Variants in ERAP1 observed in about 807,000 individuals in gnomAD.
ERAP1 encodes endoplasmic reticulum aminopeptidase 1.
ERAP1 carries 86 observed loss-of-function variants against 103.7 expected under a neutral mutation model. The ratio of observed to expected loss-of-function variants is 0.83; its 90% CI spans 0.70 to 0.99. The LOEUF (loss-of-function observed/expected upper bound fraction) is 0.99. ERAP1 is among the 50% of genes least tolerant of loss of function. The pLI, the probability that ERAP1 is intolerant of heterozygous loss-of-function variation, is 0.00. For synonymous variants in ERAP1, 398 were observed against 402.4 expected, an observed-to-expected ratio of 0.99 and a Z score of 0.13; for missense variants, 1,009 against 1,128.4, an observed-to-expected ratio of 0.89 and a Z score of 1.52.
the ERAP1 span, among the ~76,000 whole-genome samples, chr5:96,904,584 C>G: frequency 3.3e-5 from 5 of 152,248 alleles, no homozygotes; most frequent in African/African-American, 1.2e-4. Context: ...AAACACCATC[C>G]TACATATGAG....
chr5:96,880,443 T>C, the ERAP1 span, among the ~76,000 whole-genome samples: 1 of 152,180 alleles, frequency 6.6e-6, no homozygotes, highest in African/African-American at 2.4e-5. Flanking sequence ...AAGACAGGAC[T>C]CAGAGGCATA....
chr5:96,834,851 A>AT, the ERAP1 span, among the ~76,000 whole-genome samples: 2 of 152,160 alleles, frequency 1.3e-5, no homozygotes, highest in Non-Finnish European at 2.9e-5. Flanking sequence ...TTTCTATGTA[A>AT]TTTTTTGTTA....
the ERAP1 span, chr5:96,918,439 T>A: frequency 6.6e-6 from 1 of 152,198 alleles, no homozygotes; most frequent in Non-Finnish European, 1.5e-5. Flanking sequence ...AGAAACTAGG[T>A]GTCAGGGTTT....
chr5:96,922,867 A>G, the ERAP1 span, among the ~76,000 whole-genome samples: 11 of 152,266 alleles, frequency 7.2e-5, no homozygotes, highest in African/African-American at 1.9e-4. Context: ...CGCATAACTT[A>G]TATCTTACAG....
the ERAP1 span, among the ~76,000 whole-genome samples, chr5:96,875,369 T>TA: frequency 9.4e-4 from 138 of 147,270 alleles, 1 homozygote; most frequent in Middle Eastern, 3.5e-3. Context: ...ACCTCATCTA[T>TA]AAAAAAAAAA....
At chr5:96,914,148 TCACA>T in the ERAP1 span, among the ~76,000 whole-genome samples, 1 of 147,980 alleles carries the variant, frequency 6.8e-6, no homozygotes, top group African/African-American at 2.5e-5. Context: ...TCTCTCTCTC[TCACA>T]CACACACACA....
rs1773717298 is a variant in ERAP1, at chr5:96,774,680, A to AAAATCTTGGTTGTGT, written c.*1701_*1715dup. ...CAATTAAAGCAAAATATTTTACATT[A>AAAATCTTGGTTGTGT]AAATCTTGGTTGTGTATTTTTTTAA... On this transcript the variant is annotated 3_prime_UTR_variant, in exon 19 of 19. Transcript: ENST00000443439. 3 of 982,400 alleles carry AAAATCTTGGTTGTGT rather than the reference A, an allele frequency of 3.1e-6. No homozygotes were observed. Among genetic ancestry groups the AAAATCTTGGTTGTGT allele is most frequent in the Non-Finnish European group, 2.4e-6 (2 of 827,186 alleles). The allele number at this position is 982,400 out of a possible 1,614,324, so 60.9% of individuals were successfully genotyped here.
chr5:96,765,142 A>G, intron 19 of ERAP1: 1 of 814,130 alleles, frequency 1.2e-6, no homozygotes, highest in Non-Finnish European at 2.1e-6. Context: ...CCCTCCTGAA[A>G]AGATGGAGTT....
At chr5:96,809,881 T>C (rs935913394), upstream of ERAP1, among the ~76,000 whole-genome samples, 2 of 152,228 alleles carry the variant, frequency 1.3e-5, no homozygotes, top group Non-Finnish European at 2.9e-5. Flanking sequence ...AAAGTTTTTT[T>C]GTTTTTGTTT....
Position 96,767,399 on chromosome 5 carries a change from G to T in ERAP1, c.2819-4171C>A, listed in dbSNP as rs750245306. ...GCCTAAACCTAAGTAAACCTTTACA[G>T]ATATCTATGCTTAACCAATAGTCTG... On this transcript the variant is annotated intron_variant, in intron 19 of 19. Transcript: ENST00000296754. 7 of 1,557,304 alleles carry T rather than the reference G, an allele frequency of 4.5e-6. No homozygotes were observed. The South Asian group carries it at 6.7e-5, about 15-fold the overall frequency.
At chr5:96,904,377 G>A in the ERAP1 span, among the ~76,000 whole-genome samples, 20 of 152,272 alleles carry the variant, frequency 1.3e-4, no homozygotes, top group African/African-American at 4.8e-4. Flanking sequence ...TACTCAATGT[G>A]ACATATAATT....
the ERAP1 span, among the ~76,000 whole-genome samples, chr5:96,883,272 C>T: frequency 6.6e-6 from 1 of 152,158 alleles, no homozygotes; most frequent in Non-Finnish European, 1.5e-5. Flanking sequence ...TTTTCCCTGT[C>T]CTGCTTCCCT....
the ERAP1 span, among the ~76,000 whole-genome samples, chr5:96,915,139 C>T: frequency 6.6e-6 from 1 of 152,024 alleles, no homozygotes; most frequent in East Asian, 1.9e-4. Context: ...TCCTGAGTAG[C>T]TGGGATTACA....
intron 3 of ERAP1, among the ~76,000 whole-genome samples, chr5:96,799,995 T>C (rs62364752): frequency 0.058 from 8,891 of 152,254 alleles, 381 homozygotes; most frequent in Middle Eastern, 0.12. Flanking sequence ...TCTCAGTATC[T>C]CTCCATGTTA....
chr5:96,785,754 G>A, intron 13 of ERAP1, 34 bp downstream of exon 13: 1 of 1,610,318 alleles, frequency 6.2e-7, no homozygotes, highest in East Asian at 2.2e-5. Context: ...GCTGCTTTCA[G>A]AAATAAACCG....
chr5:96,879,976 C>G, the ERAP1 span: 1 of 1,614,092 alleles, frequency 6.2e-7, no homozygotes, highest in South Asian at 1.1e-5. Context: ...CTGAGAAGAT[C>G]GAAGTCTTGG....
At chr5:96,768,338 C>T (rs551219672) in intron 19 of ERAP1, 6 of 428,312 alleles carry the variant, frequency 1.4e-5, no homozygotes, top group Admixed American at 6.3e-5. Context: ...CCAACCTCTA[C>T]CTCCCAAAGT....
rs1773850033 is a variant in ERAP1, at chr5:96,774,956, C to CCGT, written c.*1439_*1440insACG. ...ATATTCCCTTATCTTGAAGTTTTTGCCTTATATTCAAAAAGTTCAGTTTGA... is the reference window on the plus strand; with the variant it reads ...ATATTCCCTTATCTTGAAGTTTTTGCCGTCTTATATTCAAAAAGTTCAGTTTGA... On this transcript the variant is annotated 3_prime_UTR_variant, in exon 19 of 19. Coordinates refer to ENST00000443439, the MANE Select transcript of ERAP1 (RefSeq NM_001040458.3). The CCGT allele has an allele frequency of 1.6e-5, 16 of 985,222 alleles. No individual in the cohort carries two copies. Among genetic ancestry groups the CCGT allele is most frequent in the Non-Finnish European group, 1.8e-5 (15 of 829,892 alleles). The allele number at this position is 985,222 out of a possible 1,614,324, so 61.0% of individuals were successfully genotyped here.
chr5:96,811,853 T>C (rs79255414), upstream of ERAP1, among the ~76,000 whole-genome samples: 2,482 of 152,300 alleles, frequency 0.016, 59 homozygotes, highest in African/African-American at 0.056. Context: ...GATACTGCTG[T>C]CTAAGGTAAC....
Sources: allele counts gnomAD v4.1 joint callset (sites outside exome capture counted in the v4.1 genomes callset), GRCh38; gene constraint gnomAD v4.1.1; transcripts MANE v1.5; gene names NCBI Gene and HGNC (gene_info 2026-07-23, HGNC 2026-07-21).